KCNU1: variants seen among roughly 807,000 people sequenced by gnomAD.
KCNU1 encodes the protein potassium channel subfamily U member 1.
Under a neutral mutation model 126.8 loss-of-function variants are expected in KCNU1, and 93 were observed. The ratio of observed to expected loss-of-function variants is 0.73; its 90% confidence interval spans 0.62 to 0.87. The LOEUF is 0.87. KCNU1 is among the 40% of genes least tolerant of loss of function. The pLI is 0.00. For missense variants in KCNU1, 1,330 were observed against 1,367.1 expected (o/e 0.97, Z 0.43); for synonymous variants, 523 against 494.2 (o/e 1.06, Z -0.77).
At chr8:36,804,947 A>G in intron 3 of KCNU1, among the ~76,000 whole-genome samples, 1 of 152,188 alleles carries the variant, frequency 6.6e-6, no homozygotes, top group East Asian at 1.9e-4. Context: ...AAATAGAACC[A>G]ATACATCCTA....
chr8:36,909,921 C>T (rs965067244), intron 21 of KCNU1, among the ~76,000 whole-genome samples: 8 of 152,164 alleles, frequency 5.3e-5, no homozygotes, highest in African/African-American at 1.4e-4. Context: ...TAAGCTAATA[C>T]TGGCCAGCAT....
chr8:36,789,695 G>A (rs746113640), intron 2 of KCNU1, among the ~76,000 whole-genome samples: 1 of 152,256 alleles, frequency 6.6e-6, no homozygotes, highest in Admixed American at 6.5e-5. Context: ...GTGTTTGTGA[G>A]GTATGGTTGT....
At chr8:36,810,881 A>T (rs983136385) in intron 7 of KCNU1, among the ~76,000 whole-genome samples, 19 of 152,196 alleles carry the variant, frequency 1.2e-4, no homozygotes, top group Non-Finnish European at 2.6e-4. Context: ...TTTAAAAAAT[A>T]AAAATAAGAT....
At chr8:36,910,437 C>T (rs1807823914) in intron 21 of KCNU1, among the ~76,000 whole-genome samples, 1 of 152,066 alleles carries the variant, frequency 6.6e-6, no homozygotes, top group Non-Finnish European at 1.5e-5. Flanking sequence ...TCCAACCTAC[C>T]GGAAGACAGT....
chr8:36,894,144 A>G (rs1402396316), intron 19 of KCNU1, among the ~76,000 whole-genome samples: 2 of 152,142 alleles, frequency 1.3e-5, no homozygotes, highest in East Asian at 1.9e-4. Flanking sequence ...AGAAGTCAAA[A>G]TCCACTTCAC....
chr8:36,935,827 G>A lies in KCNU1; in HGVS notation c.3357G>A (p.Gln1119=), dbSNP rs199859249. The A allele has an allele frequency of 8.2e-5, 133 of 1,612,658 alleles. 1 individual carries two copies. The highest frequency in any genetic ancestry group is 9.6e-5 in the Non-Finnish European group (113 of 1,179,190). The part of the protein sequence containing the change: ...QSRTNSIISS[Q]IPLGDNAKEN... The stretch of plus-strand genomic sequence containing the variant: ...GAACAAACAGTATTATATCATCTCA[G>A]ATACCTTTAGGTGACAATGCAAAAG... The change falls in exon 27 of 27, where the codon CAG becomes CAA. Residue 1119 remains glutamine (Q), a synonymous_variant. Coordinates refer to ENST00000399881, the MANE Select transcript of KCNU1 (RefSeq NM_001031836.3).
At chr8:36,878,441 C>A (rs1449946060) in intron 19 of KCNU1, among the ~76,000 whole-genome samples, 1 of 152,164 alleles carries the variant, frequency 6.6e-6, no homozygotes, top group Admixed American at 6.5e-5. Flanking sequence ...TGTAAAGCAG[C>A]AGATGGTTGT....
rs767946192 is a variant in KCNU1 at position 36,911,006 on chromosome 8, CA to C, written c.2409del (p.Gln805SerfsTer9). ...TCCATGTGTGCTGTCTTGTCCCCCCCACCCCAGCCATCAAGCAACCAGACTT... is the reference window on the plus strand; with the variant it reads ...TCCATGTGTGCTGTCTTGTCCCCCCCCCCCAGCCATCAAGCAACCAGACTT... Reference protein sequence around the residue: ...QCSMCAVLSPPPQPSSNQTLV... With the variant: ...QCSMCAVLSPXPQPSSNQTLV... On this transcript the variant is annotated frameshift_variant, in exon 22 of 27. Coordinates refer to ENST00000399881, the MANE Select transcript of KCNU1 (RefSeq NM_001031836.3). LOFTEE classifies it high-confidence loss of function. 6.2e-7 allele frequency: 1 copy of C among 1,613,654 alleles called. No individual in the cohort carries two copies. The highest frequency in any genetic ancestry group is 8.5e-7 in the Non-Finnish European group (1 of 1,179,724).
At position 36,824,000 on chromosome 8, in the gene KCNU1, A is replaced by G. The variant is rs559842282; in HGVS notation, c.1106+6240A>G. 2.5e-3 allele frequency among the ~76,000 whole-genome samples: 383 copies of G among 151,798 alleles called. 4 individuals carry two copies. Among genetic ancestry groups the G allele is most frequent in the African/African-American group, 8.9e-3 (368 of 41,418 alleles). On this transcript the variant is annotated intron_variant, in intron 10 of 26. Coordinates refer to ENST00000399881, the MANE Select transcript of KCNU1 (RefSeq NM_001031836.3). Reference sequence around the variant, plus strand: ...TTACAGGCATGCACCACCACACCCAACTAATTTTGTATTTTTAGTACAGAT... The same window carrying G: ...TTACAGGCATGCACCACCACACCCAGCTAATTTTGTATTTTTAGTACAGAT...
At chr8:36,845,698 C>T (rs1291731445) in intron 17 of KCNU1, 29 bp downstream of exon 17, 4 of 1,525,498 alleles carry the variant, frequency 2.6e-6, no homozygotes, top group East Asian at 4.5e-5. Context: ...GGGGGAAAAG[C>T]ACTAAAGCAA....
At chr8:36,899,485 T>C (rs1248405755) in intron 19 of KCNU1, among the ~76,000 whole-genome samples, 1 of 152,090 alleles carries the variant, frequency 6.6e-6, no homozygotes, top group African/African-American at 2.4e-5. Context: ...TAGAATGATA[T>C]CCTGAATTTT....
chr8:36,812,519 G>A (rs1410374950), intron 7 of KCNU1, among the ~76,000 whole-genome samples: 1 of 152,122 alleles, frequency 6.6e-6, no homozygotes, highest in Non-Finnish European at 1.5e-5. Context: ...AAATGTTGAT[G>A]GACAGGTAAG....
intron 16 of KCNU1, 102 bp from the exon 17 acceptor site, chr8:36,845,478 T>C: frequency 1.5e-6 from 1 of 667,468 alleles, no homozygotes; most frequent in South Asian, 1.8e-5. Flanking sequence ...TACGATTAAA[T>C]TAGCAACTCA....
rs749337444 is a variant in KCNU1, at chr8:36,833,538, GTTCT to G, written c.1107-13_1107-10del. 1 of 1,502,548 alleles carries G rather than the reference GTTCT, an allele frequency of 6.7e-7. No homozygotes were observed. The highest frequency in any genetic ancestry group is 9.3e-7 in the Non-Finnish European group (1 of 1,079,598). 93.1% of individuals were successfully genotyped at this position (1,502,548 alleles called of 1,614,324 possible). On this transcript the variant is annotated splice_polypyrimidine_tract_variant and intron_variant, in intron 10 of 26. Transcript: ENST00000399881. Reference sequence around the variant, plus strand: ...ATCTTTTTTCCCTCATTGCTGCCACGTTCTTTTTTGTCCAGAACCCCTCCTTCTT... The same window carrying G: ...ATCTTTTTTCCCTCATTGCTGCCACGTTTTTGTCCAGAACCCCTCCTTCTT...
chr8:36,845,524 C>G, intron 16 of KCNU1, 56 bp from the exon 17 acceptor site: 1 of 1,004,472 alleles, frequency 1.0e-6, no homozygotes, highest in Admixed American at 1.9e-5. Flanking sequence ...GAGGCACCAA[C>G]TGTTGCCACT....
intron 2 of KCNU1, among the ~76,000 whole-genome samples, chr8:36,790,036 G>A (rs1033115130): frequency 1.3e-5 from 2 of 152,200 alleles, no homozygotes; most frequent in African/African-American, 4.8e-5. Context: ...AGATCTTAAA[G>A]TATGAGTTGA....
chr8:36,908,549 C>T (rs1807728463), intron 20 of KCNU1, among the ~76,000 whole-genome samples: 1 of 130,518 alleles, frequency 7.7e-6, no homozygotes, highest in Admixed American at 9.0e-5. Flanking sequence ...ATGGATGAAC[C>T]TGGAGACCAT....
At chr8:36,833,311 A>G (rs536484313) in intron 10 of KCNU1, among the ~76,000 whole-genome samples, 19 of 152,148 alleles carry the variant, frequency 1.2e-4, no homozygotes, top group Admixed American at 3.9e-4. Flanking sequence ...AAGCCATTTT[A>G]TTAAATGCAT....
chr8:36,875,187 G>A (rs1415488319), intron 19 of KCNU1, among the ~76,000 whole-genome samples: 2 of 151,824 alleles, frequency 1.3e-5, no homozygotes, highest in Non-Finnish European at 2.9e-5. Flanking sequence ...ATATTTTAAT[G>A]CATTTTATTA....
Sources: allele counts gnomAD v4.1 joint callset (sites outside exome capture counted in the v4.1 genomes callset), GRCh38; gene constraint gnomAD v4.1.1; transcripts MANE v1.5; gene names NCBI Gene and HGNC (gene_info 2026-07-23, HGNC 2026-07-21).